ITFG2: variants seen among roughly 807,000 people sequenced by gnomAD.
ITFG2 encodes integrin alpha FG-GAP repeat containing 2.
In ITFG2, 36 loss-of-function variants were observed where a neutral mutation model predicts 54.4. That is an observed-to-expected ratio of 0.66 (90% CI 0.51 to 0.87). ITFG2 has a LOEUF of 0.87. Among genes scored for constraint, ITFG2 ranks in the 40% least tolerant of loss-of-function variants. ITFG2 has a pLI of 0.00. For synonymous variants in ITFG2, 211 were observed against 225.4 expected (o/e 0.94, Z 0.57); for missense variants, 524 against 576.7 (o/e 0.91, Z 0.94).
chr12:2,851,839 T>C (rs919560898), intron 2 of ITFG2, among the ~76,000 whole-genome samples: 1 of 151,750 alleles, frequency 6.6e-6, no homozygotes, highest in African/African-American at 2.4e-5. Flanking sequence ...CCACCACGCC[T>C]GACTAATTTT....
rs760021594 is a variant in ITFG2 at position 2,823,724 on chromosome 12, G to C, written c.1067-46G>C. ...GTCTTGCTGTCTGCCCCCCACTGTC[G>C]GCACTGAAACTTCCTGACCTTTATC... On this transcript the variant is annotated intron_variant, in intron 10 of 11. Coordinates refer to ENST00000228799, the MANE Select transcript of ITFG2 (RefSeq NM_018463.4). The C allele has an allele frequency of 3.3e-6, 5 of 1,505,620 alleles. No homozygotes were observed. The Admixed American group carries it at 1.1e-4, about 33-fold the overall frequency. 93.3% of individuals were successfully genotyped at this position (1,505,620 alleles called of 1,614,324 possible).
intron 2 of ITFG2, chr12:2,849,205 C>T (rs776973051): frequency 6.6e-7 from 1 of 1,519,668 alleles, no homozygotes; most frequent in Admixed American, 2.1e-5. Context: ...CTCTGGGTAT[C>T]ACGATCGTCC....
chr12:2,833,016 C>T (rs1006790650), upstream of ITFG2, among the ~76,000 whole-genome samples: 3 of 151,916 alleles, frequency 2.0e-5, no homozygotes, highest in Admixed American at 6.6e-5. Flanking sequence ...CAGGCCCCTC[C>T]CGCTGTTGTG....
At chr12:2,846,361 C>G (rs1248995367) in intron 2 of ITFG2, among the ~76,000 whole-genome samples, 1 of 152,200 alleles carries the variant, frequency 6.6e-6, no homozygotes, top group Non-Finnish European at 1.5e-5. Flanking sequence ...CTTCCTCCCA[C>G]TCCCTAAATC....
Position 2,823,820 on chromosome 12 carries a change from A to G in ITFG2, c.1117A>G (p.Thr373Ala), listed in dbSNP as rs1368898228. 6.2e-7 allele frequency: 1 copy of G among 1,606,278 alleles called. No individual in the cohort carries two copies. The highest frequency in any genetic ancestry group is 1.7e-5 in the Admixed American group (1 of 59,336). ...GRNSPCLVYV[T>A]FNQKIYVYWE... ...CAACAGCCCCTGCCTCGTATATGTC[A>G]CTTTCAACCAGAAGATCTATGTGTA... The change falls in exon 11 of 12, where the codon ACT (threonine) becomes GCT (alanine). Residue 373 changes from threonine to alanine, a missense_variant. Coordinates refer to ENST00000228799, the MANE Select transcript of ITFG2 (RefSeq NM_018463.4).
downstream of ITFG2, among the ~76,000 whole-genome samples, chr12:2,829,507 C>T (rs1250991397): frequency 6.6e-6 from 1 of 152,142 alleles, no homozygotes; most frequent in East Asian, 1.9e-4. Context: ...CTGTGGCTCA[C>T]ACCTATCTAT....
intron 5 of ITFG2, 47 bp from the exon 6 acceptor site, chr12:2,820,677 C>T (rs2097940901): frequency 2.5e-6 from 4 of 1,575,946 alleles, no homozygotes; most frequent in East Asian, 2.3e-5. Flanking sequence ...TGCAGGGACC[C>T]ACTTCCTTCT....
intron 2 of ITFG2, chr12:2,849,330 C>G (rs964240872): frequency 1.2e-5 from 19 of 1,536,012 alleles, no homozygotes; most frequent in Non-Finnish European, 1.6e-5. Context: ...TGTCCTTTAT[C>G]AGGGTTTGGA....
chr12:2,816,455 G>A (rs1206658842), intron 1 of ITFG2, among the ~76,000 whole-genome samples: 3 of 150,264 alleles, frequency 2.0e-5, no homozygotes, highest in East Asian at 3.9e-4. Flanking sequence ...TCAGCCTCCC[G>A]AGTAGCTGGG....
chr12:2,856,948 C>T (rs558469106), intron 2 of ITFG2: 4 of 702,934 alleles, frequency 5.7e-6, no homozygotes, highest in Non-Finnish European at 1.0e-5. Context: ...GATGGGCCAC[C>T]CCCTACCTGC....
chr12:2,858,904 G>C, intron 3 of ITFG2: 1 of 1,613,974 alleles, frequency 6.2e-7, no homozygotes, highest in Non-Finnish European at 8.5e-7. Context: ...GAACTGAGGA[G>C]CCTTTGCGGT....
intron 10 of ITFG2, among the ~76,000 whole-genome samples, 158 bp from the exon 11 acceptor site, chr12:2,823,612 T>C (rs1214958867): frequency 6.6e-6 from 1 of 152,208 alleles, no homozygotes; most frequent in Non-Finnish European, 1.5e-5. Flanking sequence ...TTACTTGTTT[T>C]ACTGAGTTCC....
chr12:2,820,051 G>A, intron 4 of ITFG2, 35 bp from the exon 5 acceptor site: 1 of 1,577,860 alleles, frequency 6.3e-7, no homozygotes, highest in Admixed American at 1.8e-5. Flanking sequence ...CTGCTCGTGG[G>A]ACTCCAGAGC....
In ITFG2 at chr12:2,818,644, G is replaced by A. The variant is rs1239610826; in HGVS notation, c.406+367G>A. 18 of 287,776 alleles carry A rather than the reference G, an allele frequency of 6.3e-5. No homozygotes were observed. The Admixed American group carries it at 7.1e-4, about 11-fold the overall frequency. 17.8% of individuals were successfully genotyped at this position (287,776 alleles called of 1,614,324 possible). A position where few individuals can be genotyped will look rare whatever the true frequency, so the allele number is the denominator to read the frequency against. On this transcript the variant is annotated intron_variant, in intron 4 of 11. Coordinates refer to ENST00000228799, the MANE Select transcript of ITFG2 (RefSeq NM_018463.4). ...CACCACTGCACTCCACTCCAGCGTG[G>A]GACCCTGTCTCTATTTAAAAAAGGA...
intron 1 of ITFG2, among the ~76,000 whole-genome samples, chr12:2,839,930 A>G (rs2098036976): frequency 6.6e-6 from 1 of 152,182 alleles, no homozygotes; most frequent in Admixed American, 6.5e-5. Context: ...GAAGATGGGA[A>G]CAACAGACAC....
At chr12:2,842,714 AGAGT>A (rs1326206879) in intron 2 of ITFG2, among the ~76,000 whole-genome samples, 3 of 152,174 alleles carry the variant, frequency 2.0e-5, no homozygotes, top group South Asian at 2.1e-4. Flanking sequence ...CCTGGGTTAC[AGAGT>A]GAGACCCTGT....
At chr12:2,855,378 G>A (rs908261576) in intron 2 of ITFG2, 30 of 1,524,312 alleles carry the variant, frequency 2.0e-5, no homozygotes, top group East Asian at 1.2e-4. Context: ...CCCAGGACTC[G>A]CTGGGGAGGA....
chr12:2,853,563 A>G (rs2098077955), intron 2 of ITFG2, among the ~76,000 whole-genome samples: 1 of 151,026 alleles, frequency 6.6e-6, no homozygotes, highest in Non-Finnish European at 1.5e-5. Context: ...GTGAGCCACC[A>G]GGCCCGGCCT....
intron 3 of ITFG2, chr12:2,859,079 G>A: frequency 6.2e-7 from 1 of 1,608,090 alleles, no homozygotes; most frequent in Non-Finnish European, 8.5e-7. Flanking sequence ...GGGTTCTGGG[G>A]AGGACAGATT....
Sources: allele counts gnomAD v4.1 joint callset (sites outside exome capture counted in the v4.1 genomes callset), GRCh38; gene constraint gnomAD v4.1.1; transcripts MANE v1.5; gene names NCBI Gene and HGNC (gene_info 2026-07-23, HGNC 2026-07-21).